The following PCDHA2 variants were observed in gnomAD, a reference collection of about 807,000 sequenced individuals.
The protein encoded by PCDHA2 is protocadherin alpha-2.
In PCDHA2, 58 loss-of-function variants were observed where a neutral mutation model predicts 66.0. The ratio of observed to expected loss-of-function variants is 0.88; its 90% CI spans 0.71 to 1.09. The LOEUF (loss-of-function observed/expected upper bound fraction) is 1.09. Among genes scored for constraint, PCDHA2 ranks in the 50% least tolerant of loss-of-function variants. The pLI is 0.00. For missense variants in PCDHA2, 1,267 were observed against 1,242.3 expected, an observed-to-expected ratio of 1.02 and a Z score of -0.30; for synonymous variants, 634 against 554.0, an observed-to-expected ratio of 1.14 and a Z score of -2.03.
chr5:140,884,486 G>T, intron 1 of PCDHA2: 1 of 1,614,030 alleles, frequency 6.2e-7, no homozygotes, highest in Non-Finnish European at 8.5e-7. Flanking sequence ...GCCCACTCTA[G>T]TGTGCTCCAG....
chr5:140,884,441 G>A, intron 1 of PCDHA2: 2 of 1,613,812 alleles, frequency 1.2e-6, no homozygotes, highest in Non-Finnish European at 1.7e-6. Flanking sequence ...GCGGTGCTCG[G>A]CACCGCCCAC....
rs782626454 is a variant in PCDHA2, at chr5:140,795,808, G to A, written c.844G>A (p.Gly282Ser). ...GPNSEIVYSL[G>S]SDVSSTIQTK... is the part of the protein sequence containing the mutation. ...GAACAGCGAGATTGTGTATTCACTC[G>A]GTAGTGATGTGTCCTCCACTATACA... Residue 282 changes from glycine (G) to serine (S), a missense_variant, in exon 1 of 4, where the codon GGT (glycine) becomes AGT (serine). Physicochemically the swap from Gly to Ser is moderately conservative, Grantham distance 56. Coordinates refer to ENST00000526136, the MANE Select transcript of PCDHA2 (RefSeq NM_018905.3). The A allele has an allele frequency of 6.2e-7, 1 of 1,613,038 alleles. No individual in the cohort carries two copies. Among genetic ancestry groups the A allele is most frequent in the Non-Finnish European group, 8.5e-7 (1 of 1,179,236 alleles).
intron 1 of PCDHA2, among the ~76,000 whole-genome samples, chr5:140,974,053 T>C (rs529581642): frequency 6.6e-6 from 1 of 152,346 alleles, no homozygotes; most frequent in African/African-American, 2.4e-5. Flanking sequence ...TATGATAATA[T>C]TTGGAGCAGT....
intron 2 of PCDHA2, among the ~76,000 whole-genome samples, chr5:140,980,573 T>G (rs1040024915): frequency 6.6e-6 from 1 of 152,066 alleles, no homozygotes; most frequent in Non-Finnish European, 1.5e-5. Context: ...GAAGTTGCAG[T>G]GAGCCAAGAT....
intron 3 of PCDHA2, among the ~76,000 whole-genome samples, chr5:140,991,017 C>G (rs1440489095): frequency 6.6e-6 from 1 of 152,178 alleles, no homozygotes; most frequent in Non-Finnish European, 1.5e-5. Context: ...GTGATAAGCA[C>G]TTTACATATG....
In PCDHA2 at chr5:140,856,469, A is replaced by G. The variant is rs868928248; in HGVS notation, c.2388+59117A>G. 8.8e-6 allele frequency: 14 copies of G among 1,598,158 alleles called. 1 individual carries two copies. The highest frequency in any genetic ancestry group is 1.2e-5 in the Non-Finnish European group (14 of 1,167,896). ...CTCCGTAACAGAACAAAAGCTCTCA[A>G]TACCTGAATCCAGACTGCTTGACTC... is the stretch of plus-strand genomic sequence containing the variant. On this transcript the variant is annotated intron_variant, in intron 1 of 3. Transcript: ENST00000526136.
chr5:140,926,827 C>G, intron 1 of PCDHA2: 1 of 1,500,674 alleles, frequency 6.7e-7, no homozygotes, highest in Non-Finnish European at 8.9e-7. Context: ...CTCCAGGAGT[C>G]CGGAGCATGG....
chr5:140,836,113 T>A, intron 1 of PCDHA2: 1 of 1,613,528 alleles, frequency 6.2e-7, no homozygotes, highest in South Asian at 1.1e-5. Flanking sequence ...GGTGGCGCAG[T>A]GAGAGAGCTT....
chr5:140,925,124 A>AGGAAGGAAGGAAGGAAGGAAGG, intron 1 of PCDHA2, among the ~76,000 whole-genome samples: 1 of 151,856 alleles, frequency 6.6e-6, no homozygotes, highest in South Asian at 2.1e-4. Flanking sequence ...GAAGGAAGGA[A>AGGAAGGAAGGAAGGAAGGAAGG]AAAAAATTTC....
chr5:140,884,534 C>T (rs781847666), intron 1 of PCDHA2: 3 of 1,614,180 alleles, frequency 1.9e-6, no homozygotes, highest in Admixed American at 3.3e-5. Context: ...GCAGAGGCGG[C>T]CGAGGGTGTG....
At chr5:140,839,340 G>A (rs1354702544) in intron 1 of PCDHA2, among the ~76,000 whole-genome samples, 1 of 150,850 alleles carries the variant, frequency 6.6e-6, no homozygotes, top group Admixed American at 6.6e-5. Context: ...AAGTTGATAG[G>A]GGATCCTCCT....
intron 1 of PCDHA2, among the ~76,000 whole-genome samples, chr5:140,924,643 C>G (rs2081929149): frequency 1.3e-5 from 2 of 152,196 alleles, no homozygotes; most frequent in Admixed American, 1.3e-4. Flanking sequence ...ACCTGTAATC[C>G]CAGCACTTTG....
intron 1 of PCDHA2, among the ~76,000 whole-genome samples, chr5:140,920,166 A>G (rs539079245): frequency 2.2e-4 from 34 of 152,328 alleles, no homozygotes; most frequent in African/African-American, 7.9e-4. Flanking sequence ...AACTGTCTTA[A>G]GCAACCCAGT....
Position 140,883,224 on chromosome 5 carries a change from C to A in PCDHA2, c.2388+85872C>A, listed in dbSNP as rs782659730. The stretch of plus-strand genomic sequence containing the variant: ...GAAGAAAAGAAATTATATGAAATAT[C>A]CGTGGAGGCAGTTGACAAAGGAAAT... On this transcript the variant is annotated intron_variant, in intron 1 of 3. Transcript: ENST00000526136. The A allele has an allele frequency of 1.2e-5, 20 of 1,613,828 alleles. 2 individuals carry two copies. In the South Asian group the frequency reaches 2.2e-4, roughly 18 times the overall value.
At chr5:140,853,592 T>A in intron 1 of PCDHA2, 2 of 987,050 alleles carry the variant, frequency 2.0e-6, no homozygotes, top group Non-Finnish European at 1.2e-6. Context: ...TTAGACACTT[T>A]GAGAGCAAAG....
intron 1 of PCDHA2, chr5:140,825,029 A>C (rs1043200115): frequency 2.6e-5 from 4 of 152,092 alleles, no homozygotes; most frequent in Non-Finnish European, 4.4e-5. Context: ...AAAAGAATAC[A>C]GTTAAATTTT....
intron 1 of PCDHA2, chr5:140,835,026 A>G: frequency 1.5e-6 from 2 of 1,336,268 alleles, no homozygotes; most frequent in Non-Finnish European, 2.0e-6. Context: ...GCTCACGGCC[A>G]CCGATGGAGG....
intron 1 of PCDHA2, among the ~76,000 whole-genome samples, chr5:140,837,576 C>T (rs2150276796): frequency 1.3e-5 from 2 of 151,950 alleles, no homozygotes; most frequent in African/African-American, 4.8e-5. Flanking sequence ...TTACAATCAC[C>T]AAATTGTAAA....
intron 1 of PCDHA2, chr5:140,859,405 G>C (rs1222698496): frequency 4.0e-6 from 1 of 250,884 alleles, no homozygotes; most frequent in African/African-American, 2.3e-5. Context: ...ACAGGGTTGG[G>C]TTAGATGATA....
Sources: gnomAD v4.1 joint callset for allele counts (sites outside exome capture counted in the v4.1 genomes callset) on GRCh38, gnomAD v4.1.1 for gene constraint, MANE v1.5 for transcripts, NCBI Gene and HGNC (gene_info 2026-07-23, HGNC 2026-07-21) for gene names.